The following SERTM2 variants were observed in gnomAD, a reference collection of about 807,000 sequenced individuals.
SERTM2 encodes the protein serine-rich and transmembrane domain-containing protein 2.
At position 111,518,542 on chromosome X, in the gene SERTM2, T is replaced by C. The variant is rs1487006287; in HGVS notation, c.-316T>C. 1.4e-5 allele frequency: 3 copies of C among 219,640 alleles called. No homozygotes were observed. Among genetic ancestry groups the C allele is most frequent in the African/African-American group, 5.8e-5 (2 of 34,704 alleles). The allele number at this position is 219,640 out of a possible 1,213,427, so 18.1% of individuals were successfully genotyped here. Reference sequence around the variant, plus strand: ...CAGTATTATAAAGCAGTTTCACCCATATTTATTTTAATCAGTATAAAAGTA... The same window carrying C: ...CAGTATTATAAAGCAGTTTCACCCACATTTATTTTAATCAGTATAAAAGTA... On this transcript the variant is annotated 5_prime_UTR_variant, in exon 3 of 3. Coordinates refer to ENST00000569275, the MANE Select transcript of SERTM2 (RefSeq NM_001354473.2).
chrX:111,517,885 G>A (rs184106778), intron 2 of SERTM2, among the ~76,000 whole-genome samples, 190 bp from the exon 3 acceptor site: 2 of 111,169 alleles, frequency 1.8e-5, no homozygotes, highest in African/African-American at 6.5e-5. Flanking sequence ...ATTAGCTGCT[G>A]TTTACTGATG....
intron 2 of SERTM2, among the ~76,000 whole-genome samples, chrX:111,512,807 G>A (rs1439300062): frequency 9.0e-6 from 1 of 111,325 alleles, no homozygotes. Context: ...TCATGATCTA[G>A]GAGTGTATGT....
rs756998761 is a variant in SERTM2 at position 111,519,179 on chromosome X, T to G, written c.*49T>G. 2 of 295,245 alleles carry G rather than the reference T, an allele frequency of 6.8e-6. No individual in the cohort carries two copies. The highest frequency in any genetic ancestry group is 1.2e-5 in the Non-Finnish European group (2 of 169,488). 24.3% of individuals were successfully genotyped at this position (295,245 alleles called of 1,213,427 possible). ...GTGGATCTGGGTAAACCCTTATATA[T>G]GGATGTCCAGGAGAGCTTGCTTTCT... On this transcript the variant is annotated 3_prime_UTR_variant, in exon 3 of 3. Coordinates refer to ENST00000569275, the MANE Select transcript of SERTM2 (RefSeq NM_001354473.2).
chrX:111,514,257 T>A (rs1372515035), intron 2 of SERTM2, among the ~76,000 whole-genome samples: 1 of 111,677 alleles, frequency 9.0e-6, no homozygotes, highest in Non-Finnish European at 1.9e-5. Flanking sequence ...CTGTAAATGT[T>A]AGGTACATTT....
chrX:111,515,186 C>A (rs1342244583), intron 2 of SERTM2, among the ~76,000 whole-genome samples: 1 of 111,398 alleles, frequency 9.0e-6, no homozygotes, highest in Non-Finnish European at 1.9e-5. Flanking sequence ...ATTCTGTATA[C>A]TTGGGGTCCA....
intron 2 of SERTM2, among the ~76,000 whole-genome samples, chrX:111,517,125 G>T (rs765151818): frequency 1.3e-4 from 15 of 111,115 alleles, no homozygotes; most frequent in Non-Finnish European, 2.6e-4. Context: ...CTCAGAATAG[G>T]CATACCCTCT....
At chrX:111,513,032 T>C (rs1195310789) in intron 2 of SERTM2, among the ~76,000 whole-genome samples, 1 of 109,231 alleles carries the variant, frequency 9.2e-6, no homozygotes, top group African/African-American at 3.5e-5. Flanking sequence ...AAACCAGATG[T>C]ACAAGTTAAT....
In SERTM2 at chrX:111,511,814, C is replaced by T. The variant is rs961339382; in HGVS notation, c.-901C>T. On this transcript the variant is annotated 5_prime_UTR_variant, in exon 1 of 3. Transcript: ENST00000569275. ...TTCAGAGCTTATAAGGAGCAGGCAT[C>T]TGAAGCTGCACTCTGAAGCTGTAAG... The T allele has an allele frequency of 3.8e-6, 1 of 266,216 alleles. No individual in the cohort carries two copies. Among genetic ancestry groups the T allele is most frequent in the African/African-American group, 2.8e-5 (1 of 35,813 alleles). 21.9% of individuals were successfully genotyped at this position (266,216 alleles called of 1,213,427 possible).
In SERTM2 at chrX:111,519,047, A is replaced by T. The variant is rs1422308811; in HGVS notation, c.190A>T (p.Ile64Phe). The change falls in exon 3 of 3, where the codon ATC becomes TTC. Residue 64 changes from isoleucine (I) to phenylalanine (F), a missense_variant. Transcript: ENST00000569275. ...FTMLLRLKHV[I>F]SPINSDSTES... ...AATGCTCCTTCGGCTCAAACATGTCATCTCGCCCATCAACTCTGACAGCAC... is the reference window on the plus strand; with the variant it reads ...AATGCTCCTTCGGCTCAAACATGTCTTCTCGCCCATCAACTCTGACAGCAC... 1 of 295,142 alleles carries T rather than the reference A, an allele frequency of 3.4e-6. No homozygotes were observed. The highest frequency in any genetic ancestry group is 4.8e-5 in the East Asian group (1 of 20,926). The allele number at this position is 295,142 out of a possible 1,213,427, so 24.3% of individuals were successfully genotyped here.
In SERTM2 at chrX:111,521,769, T is replaced by C. The variant is rs1480606856; in HGVS notation, c.*2639T>C. ...TAAGATGAAAAGAACAATTCTTCACTTTTTATTAGCTGAACCATATGAAAT... is the reference window on the plus strand; with the variant it reads ...TAAGATGAAAAGAACAATTCTTCACCTTTTATTAGCTGAACCATATGAAAT... On this transcript the variant is annotated 3_prime_UTR_variant, in exon 3 of 3. Transcript: ENST00000569275. 1 of 108,525 alleles carries C rather than the reference T, an allele frequency of 9.2e-6. No individual in the cohort carries two copies. Among genetic ancestry groups the C allele is most frequent in the Non-Finnish European group, 1.9e-5 (1 of 52,524 alleles). The allele number at this position is 108,525 out of a possible 1,213,427, so 8.9% of individuals were successfully genotyped here.
In SERTM2 at chrX:111,519,302, T is replaced by C; in HGVS notation, c.*172T>C. The C allele has an allele frequency of 3.6e-6, 1 of 277,683 alleles. No homozygotes were observed. The highest frequency in any genetic ancestry group is 5.1e-5 in the East Asian group (1 of 19,602). The allele number at this position is 277,683 out of a possible 1,213,427, so 22.9% of individuals were successfully genotyped here. On this transcript the variant is annotated 3_prime_UTR_variant, in exon 3 of 3. Coordinates refer to ENST00000569275, the MANE Select transcript of SERTM2 (RefSeq NM_001354473.2). ...TTATTCTTCATCTTTACTCTGCTTG[T>C]GGGCTATCTAAAACGTTTAAGACTC...
Position 111,511,998 on chromosome X carries a change from C to T in SERTM2, c.-880C>T. The T allele has an allele frequency of 6.7e-6, 2 of 296,603 alleles. No homozygotes were observed. Among genetic ancestry groups the T allele is most frequent in the Non-Finnish European group, 1.2e-5 (2 of 169,479 alleles). The allele number at this position is 296,603 out of a possible 1,213,427, so 24.4% of individuals were successfully genotyped here. A position where few individuals can be genotyped will look rare whatever the true frequency, so the allele number is the denominator to read the frequency against. On this transcript the variant is annotated splice_region_variant and 5_prime_UTR_variant, in exon 2 of 3. Transcript: ENST00000569275. ...ACAAGGCTTTCATTCTATGTTCCAG[C>T]TATTCCAGAGATGTTCCTGAACAAG...
At chrX:111,515,929 A>T (rs1468588024) in intron 2 of SERTM2, among the ~76,000 whole-genome samples, 1 of 110,937 alleles carries the variant, frequency 9.0e-6, no homozygotes, top group Admixed American at 9.6e-5. Context: ...CTAGGGTTTC[A>T]GGGTGATTAG....
At position 111,520,495 on chromosome X, in the gene SERTM2, A is replaced by T. The variant is rs1930394541; in HGVS notation, c.*1365A>T. On this transcript the variant is annotated 3_prime_UTR_variant, in exon 3 of 3. Transcript: ENST00000569275. ...ACAGAGTACTCTCTCAGGAACTGTA[A>T]TGATGGTAAGAGAGAAATCAAATAG... 1 of 111,980 alleles carries T rather than the reference A, an allele frequency of 8.9e-6. No individual in the cohort carries two copies. The highest frequency in any genetic ancestry group is 3.3e-5 in the African/African-American group (1 of 30,756). The allele number at this position is 111,980 out of a possible 1,213,427, so 9.2% of individuals were successfully genotyped here. A position where few individuals can be genotyped will look rare whatever the true frequency, so the allele number is the denominator to read the frequency against.
chrX:111,514,071 T>C (rs1459700926), intron 2 of SERTM2, among the ~76,000 whole-genome samples: 7 of 111,800 alleles, frequency 6.3e-5, no homozygotes, highest in Non-Finnish European at 1.3e-4. Context: ...TAGCACTTCA[T>C]GAAGAGAGTT....
Position 111,517,983 on chromosome X carries a change from G to A in SERTM2, c.-783-92G>A, listed in dbSNP as rs188452577. ...TAGTTTGCATATAGCAAACCATTTT[G>A]CAATTTATCAATTTATTTTTATTTC... On this transcript the variant is annotated intron_variant, in intron 2 of 2. Transcript: ENST00000569275. 2.7e-5 allele frequency: 3 copies of A among 111,954 alleles called. No individual in the cohort carries two copies. In the East Asian group the frequency reaches 8.4e-4, roughly 31 times the overall value. 9.2% of individuals were successfully genotyped at this position (111,954 alleles called of 1,213,427 possible).
At position 111,518,091 on chromosome X, in the gene SERTM2, T is replaced by A. The variant is rs1034059951; in HGVS notation, c.-767T>A. 5 of 111,701 alleles carry A rather than the reference T, an allele frequency of 4.5e-5. No homozygotes were observed. In the Admixed American group the frequency reaches 4.8e-4, roughly 11 times the overall value. The allele number at this position is 111,701 out of a possible 1,213,427, so 9.2% of individuals were successfully genotyped here. ...GATTTTCAGGAAAATCAATATCTGT[T>A]GGAGAATCTGAAGAGCCAAATCTCC... On this transcript the variant is annotated 5_prime_UTR_variant, in exon 3 of 3. Coordinates refer to ENST00000569275, the MANE Select transcript of SERTM2 (RefSeq NM_001354473.2).
Position 111,512,067 on chromosome X carries a change from A to G in SERTM2, c.-811A>G, listed in dbSNP as rs1930236014. 1 of 294,768 alleles carries G rather than the reference A, an allele frequency of 3.4e-6. No individual in the cohort carries two copies. Among genetic ancestry groups the G allele is most frequent in the African/African-American group, 2.7e-5 (1 of 36,388 alleles). The allele number at this position is 294,768 out of a possible 1,213,427, so 24.3% of individuals were successfully genotyped here. A position where few individuals can be genotyped will look rare whatever the true frequency, so the allele number is the denominator to read the frequency against. On this transcript the variant is annotated 5_prime_UTR_variant, in exon 2 of 3. Coordinates refer to ENST00000569275, the MANE Select transcript of SERTM2 (RefSeq NM_001354473.2). ...TTCAAAAGGGATACTTAAGTGACCA[A>G]TCCTATTCATACTGTGGGCCAGGAG...
Position 111,516,807 on chromosome X carries a change from T to C in SERTM2, c.-783-1268T>C, listed in dbSNP as rs772804550. On this transcript the variant is annotated intron_variant, in intron 2 of 2. Coordinates refer to ENST00000569275, the MANE Select transcript of SERTM2 (RefSeq NM_001354473.2). ...CCCAAGCTGGGGGCAAAATTCAATATGATAGGAAAAATAATGTGACCGTTG... is the reference window on the plus strand; with the variant it reads ...CCCAAGCTGGGGGCAAAATTCAATACGATAGGAAAAATAATGTGACCGTTG... Among the ~76,000 whole-genome samples, 5 of 111,405 alleles carry C rather than the reference T, an allele frequency of 4.5e-5. No individual in the cohort carries two copies. The East Asian group carries it at 1.4e-3, about 32-fold the overall frequency.
Sources: allele counts gnomAD v4.1 joint callset (sites outside exome capture counted in the v4.1 genomes callset), GRCh38; gene constraint gnomAD v4.1.1; transcripts MANE v1.5; gene names NCBI Gene and HGNC (gene_info 2026-07-23, HGNC 2026-07-21).